The following E2F3 variants were observed in gnomAD, a reference collection of about 807,000 sequenced individuals.
E2F3 encodes the protein E2F transcription factor 3.
In E2F3, 11 loss-of-function variants were observed where a neutral mutation model predicts 44.4. The ratio of observed to expected loss-of-function variants is 0.25; its 90% CI spans 0.16 to 0.41. E2F3 has a LOEUF of 0.41. E2F3 is among the 10% of genes least tolerant of loss of function. E2F3 has a pLI of 1.00. For missense variants in E2F3, 487 were observed against 583.6 expected (o/e 0.83, Z 1.70); for synonymous variants, 249 against 253.0 (o/e 0.98, Z 0.15).
chr6:20,410,852 C>T (rs1394227110), intron 1 of E2F3, among the ~76,000 whole-genome samples: 3 of 152,194 alleles, frequency 2.0e-5, no homozygotes, highest in Non-Finnish European at 4.4e-5. Flanking sequence ...GAACTCCTGA[C>T]CTCAGGTGAT....
Position 20,491,366 on chromosome 6 carries a change from CA to C in E2F3, c.*937del, listed in dbSNP as rs1377100316. The C allele has an allele frequency of 1.8e-5, 4 of 227,808 alleles. No individual in the cohort carries two copies. Among genetic ancestry groups the C allele is most frequent in the African/African-American group, 8.9e-5 (4 of 44,982 alleles). 14.1% of individuals were successfully genotyped at this position (227,808 alleles called of 1,614,324 possible). On this transcript the variant is annotated 3_prime_UTR_variant, in exon 7 of 7. Coordinates refer to ENST00000346618, the MANE Select transcript of E2F3 (RefSeq NM_001949.5). ...GCAGAGGGAGAGAACCTCTACTGATCAGAGCATCTAAACCTGTGTGATCTAA... is the reference window on the plus strand; with the variant it reads ...GCAGAGGGAGAGAACCTCTACTGATCGAGCATCTAAACCTGTGTGATCTAA...
At chr6:20,472,068 A>ACACACT (rs1320530650) in intron 1 of E2F3, among the ~76,000 whole-genome samples, 7 of 147,632 alleles carry the variant, frequency 4.7e-5, no homozygotes, top group South Asian at 4.4e-4. Context: ...ACACACACAC[A>ACACACT]CTCACATCTA....
At chr6:20,445,018 T>C (rs1331993011) in intron 1 of E2F3, 1 of 943,144 alleles carries the variant, frequency 1.1e-6, no homozygotes, top group Non-Finnish European at 1.3e-6. Context: ...TGAACTGAAC[T>C]GCATTGGCCT....
Position 20,490,848 on chromosome 6 carries a change from G to C in E2F3, c.*418G>C, listed in dbSNP as rs1452208862. 2 of 230,224 alleles carry C rather than the reference G, an allele frequency of 8.7e-6. No homozygotes were observed. The highest frequency in any genetic ancestry group is 1.3e-4 in the East Asian group (2 of 15,946). 14.3% of individuals were successfully genotyped at this position (230,224 alleles called of 1,614,324 possible). A position where few individuals can be genotyped will look rare whatever the true frequency, so the allele number is the denominator to read the frequency against. On this transcript the variant is annotated 3_prime_UTR_variant, in exon 7 of 7. Transcript: ENST00000346618. The surrounding 1 kb of genome is among the most constrained non-coding windows in gnomAD (Gnocchi z 4.3). ...ATCTTCCTTAATAGCATTTCAAGCC[G>C]TGCCTTCTCCGCAGAATGCATGTCT...
intron 1 of E2F3, among the ~76,000 whole-genome samples, chr6:20,457,297 C>T (rs1761338552): frequency 6.6e-6 from 1 of 151,870 alleles, no homozygotes; most frequent in Non-Finnish European, 1.5e-5. Context: ...GTCTCGGCCT[C>T]CCAAGTAGCT....
In E2F3 at chr6:20,493,242, C is replaced by G. The variant is rs1259361863; in HGVS notation, c.*2812C>G. The G allele has an allele frequency of 4.4e-6, 1 of 225,760 alleles. No individual in the cohort carries two copies. The highest frequency in any genetic ancestry group is 8.8e-6 in the Non-Finnish European group (1 of 113,122). 14.0% of individuals were successfully genotyped at this position (225,760 alleles called of 1,614,324 possible). Reference sequence around the variant, plus strand: ...TGTTTTTCTGTTCTTTGTTGTGGCTCTTGTTTTCATTTTTGTTGTACGTGT... The same window carrying G: ...TGTTTTTCTGTTCTTTGTTGTGGCTGTTGTTTTCATTTTTGTTGTACGTGT... On this transcript the variant is annotated 3_prime_UTR_variant, in exon 7 of 7. Coordinates refer to ENST00000346618, the MANE Select transcript of E2F3 (RefSeq NM_001949.5).
At chr6:20,430,367 C>T (rs896544092) in intron 1 of E2F3, among the ~76,000 whole-genome samples, 22 of 152,086 alleles carry the variant, frequency 1.4e-4, no homozygotes, top group Non-Finnish European at 2.8e-4. Flanking sequence ...CAGGAAATAC[C>T]ACTCACGTCT....
intron 4 of E2F3, among the ~76,000 whole-genome samples, chr6:20,484,154 G>A (rs1762317705): frequency 6.6e-6 from 1 of 152,162 alleles, no homozygotes; most frequent in South Asian, 2.1e-4. Context: ...TGTGGCTTAT[G>A]GCATTGTCAC....
chr6:20,439,210 CTT>C (rs1480993783), intron 1 of E2F3, among the ~76,000 whole-genome samples: 3 of 152,124 alleles, frequency 2.0e-5, no homozygotes, highest in African/African-American at 7.2e-5. Context: ...CATTTTTTCT[CTT>C]GATTTTAGAA....
At chr6:20,463,427 A>G (rs1761593661) in intron 1 of E2F3, among the ~76,000 whole-genome samples, 1 of 152,118 alleles carries the variant, frequency 6.6e-6, no homozygotes, top group South Asian at 2.1e-4. Context: ...ATTTACCCAC[A>G]TAGTTACCAT....
intron 2 of E2F3, among the ~76,000 whole-genome samples, chr6:20,480,447 T>C (rs1762185332): frequency 6.6e-6 from 1 of 152,196 alleles, no homozygotes; most frequent in Non-Finnish European, 1.5e-5. Flanking sequence ...GAGAGAAACG[T>C]AGGTTAGAAA....
chr6:20,407,373 A>C (rs1407922485), intron 1 of E2F3, among the ~76,000 whole-genome samples: 2 of 152,228 alleles, frequency 1.3e-5, no homozygotes, highest in African/African-American at 4.8e-5. Flanking sequence ...CTGTGGGCTG[A>C]AGAACTCCAC....
chr6:20,484,055 A>G (rs1172066789), intron 4 of E2F3, among the ~76,000 whole-genome samples: 2 of 152,196 alleles, frequency 1.3e-5, no homozygotes, highest in African/African-American at 4.8e-5. Flanking sequence ...GAAGAAACCA[A>G]CAGTTGGGCT....
At chr6:20,404,718 G>T (rs1259779733) in intron 1 of E2F3, among the ~76,000 whole-genome samples, 1 of 152,078 alleles carries the variant, frequency 6.6e-6, no homozygotes, top group Non-Finnish European at 1.5e-5. Context: ...AGTCAAAGAA[G>T]CTCATCGTTT....
chr6:20,477,090 A>G (rs1293579554), intron 1 of E2F3, among the ~76,000 whole-genome samples: 3 of 152,130 alleles, frequency 2.0e-5, no homozygotes, highest in Admixed American at 1.3e-4. Context: ...AAAAATTTAG[A>G]TAGATCTTTT....
At chr6:20,433,905 A>G (rs898174462) in intron 1 of E2F3, among the ~76,000 whole-genome samples, 1 of 152,214 alleles carries the variant, frequency 6.6e-6, no homozygotes, top group Non-Finnish European at 1.5e-5. Flanking sequence ...ATGTTAATGA[A>G]GATTCCTATC....
intron 1 of E2F3, among the ~76,000 whole-genome samples, chr6:20,427,023 T>A (rs2127591876): frequency 6.6e-6 from 1 of 152,316 alleles, no homozygotes; most frequent in South Asian, 2.1e-4. Flanking sequence ...TCCACTGTGA[T>A]GCTGGGGGAA....
chr6:20,434,963 G>A (rs1244814536), intron 1 of E2F3, among the ~76,000 whole-genome samples: 1 of 152,244 alleles, frequency 6.6e-6, no homozygotes, highest in East Asian at 1.9e-4. Context: ...AAGGGCACAG[G>A]AACATGGCGC....
intron 1 of E2F3, among the ~76,000 whole-genome samples, chr6:20,454,960 CAG>C (rs1761260483): frequency 6.6e-6 from 1 of 152,164 alleles, no homozygotes; most frequent in Admixed American, 6.5e-5. Flanking sequence ...TTCTATATCT[CAG>C]GGGTGGAACC....
Sources: gnomAD v4.1 joint callset for allele counts (sites outside exome capture counted in the v4.1 genomes callset) on GRCh38, gnomAD v4.1.1 for gene constraint, Gnocchi (gnomAD v3.1) non-coding constraint, MANE v1.5 for transcripts, NCBI Gene and HGNC (gene_info 2026-07-23, HGNC 2026-07-21) for gene names.